The following PACRG variants were observed in gnomAD, a reference collection of about 807,000 sequenced individuals.
PACRG encodes the protein parkin coregulated gene protein.
PACRG carries 29 observed loss-of-function variants against 29.7 expected under a neutral mutation model. That is an observed-to-expected ratio of 0.98 (90% CI 0.73 to 1.33). The LOEUF is 1.33. Among genes scored for constraint, PACRG ranks in the 40% most tolerant of loss-of-function variants. PACRG has a pLI of 0.00. For synonymous variants in PACRG, 116 were observed against 118.7 expected, an observed-to-expected ratio of 0.98 and a Z score of 0.15; for missense variants, 279 against 316.2, an observed-to-expected ratio of 0.88 and a Z score of 0.89.
chr6:162,904,989 G>T (rs1448873886), intron 2 of PACRG, among the ~76,000 whole-genome samples: 3 of 152,102 alleles, frequency 2.0e-5, no homozygotes, highest in Non-Finnish European at 4.4e-5. Context: ...AAAGAGCAAG[G>T]ACTATACATG....
intron 2 of PACRG, among the ~76,000 whole-genome samples, chr6:163,000,066 G>A (rs1472948218): frequency 3.9e-5 from 6 of 152,172 alleles, no homozygotes; most frequent in Admixed American, 3.9e-4. Flanking sequence ...CATCAGCAGG[G>A]TTCTCTGTAG....
intron 2 of PACRG, among the ~76,000 whole-genome samples, chr6:162,880,914 G>A (rs540153807): frequency 2.0e-5 from 3 of 152,328 alleles, no homozygotes; most frequent in South Asian, 2.1e-4. Flanking sequence ...CGTTCAGGGC[G>A]TGGCAGCTGC....
At chr6:163,180,640 A>T (rs1779609585) in intron 4 of PACRG, among the ~76,000 whole-genome samples, 1 of 152,132 alleles carries the variant, frequency 6.6e-6, no homozygotes, top group African/African-American at 2.4e-5. Flanking sequence ...AAATAAAAAT[A>T]AAAATTCATT....
chr6:163,045,104 C>A (rs1244110809), intron 2 of PACRG, among the ~76,000 whole-genome samples: 1 of 152,050 alleles, frequency 6.6e-6, no homozygotes, highest in African/African-American at 2.4e-5. Flanking sequence ...AACTCTGTTG[C>A]CCATCTTTTG....
intron 2 of PACRG, among the ~76,000 whole-genome samples, chr6:163,040,752 T>A (rs553368706): frequency 2.0e-5 from 3 of 152,338 alleles, no homozygotes; most frequent in East Asian, 3.9e-4. Context: ...TAATTTCTCC[T>A]ATTTGGAATG....
intron 3 of PACRG, among the ~76,000 whole-genome samples, chr6:163,076,819 T>G (rs1397198593): frequency 6.6e-6 from 1 of 151,954 alleles, no homozygotes; most frequent in Admixed American, 6.6e-5. Context: ...CTGATTCACC[T>G]CTCCACTCCC....
At chr6:162,979,845 T>C (rs1290480515) in intron 2 of PACRG, among the ~76,000 whole-genome samples, 3 of 152,076 alleles carry the variant, frequency 2.0e-5, no homozygotes, top group Admixed American at 2.0e-4. Flanking sequence ...TTCTATTTAA[T>C]AGTAATTCGG....
At chr6:163,198,336 G>A (rs978379084) in intron 4 of PACRG, among the ~76,000 whole-genome samples, 1 of 152,146 alleles carries the variant, frequency 6.6e-6, no homozygotes, top group African/African-American at 2.4e-5. Context: ...TTTATCATTT[G>A]TTCAAAAAAC....
At chr6:163,117,354 C>G (rs1283274705) in intron 4 of PACRG, among the ~76,000 whole-genome samples, 3 of 152,208 alleles carry the variant, frequency 2.0e-5, no homozygotes, top group African/African-American at 7.2e-5. Context: ...CGCCTGGCTC[C>G]AGCCACTGGG....
At position 163,192,710 on chromosome 6, in the gene PACRG, A is replaced by T. The variant is rs1016402871; in HGVS notation, c.613+103302A>T. 4.6e-5 allele frequency among the ~76,000 whole-genome samples: 7 copies of T among 152,268 alleles called. No homozygotes were observed. The East Asian group carries it at 9.6e-4, about 21-fold the overall frequency. ...TCTCTGACATGGATGGCTTATGTGG[A>T]TCTCTATTTAGACTTGATGAGAGAA... On this transcript the variant is annotated intron_variant, in intron 4 of 4. Transcript: ENST00000366888.
chr6:162,964,335 T>C (rs1274075215), intron 2 of PACRG, among the ~76,000 whole-genome samples: 1 of 152,226 alleles, frequency 6.6e-6, no homozygotes, highest in Non-Finnish European at 1.5e-5. Context: ...TAAACTCTGA[T>C]GACTTTTTGA....
intron 2 of PACRG, chr6:163,042,897 T>C (rs1808884071): frequency 7.6e-6 from 1 of 131,174 alleles, no homozygotes; most frequent in East Asian, 3.9e-4. Flanking sequence ...TCTACAGTCA[T>C]TGCATAAACA....
At chr6:162,933,629 A>G (rs1280606874) in intron 2 of PACRG, among the ~76,000 whole-genome samples, 1 of 109,688 alleles carries the variant, frequency 9.1e-6, no homozygotes, top group Non-Finnish European at 1.8e-5. Context: ...TTTTTTACTT[A>G]AAGTCTGTTT....
chr6:162,734,848 A>G (rs1780039072), intron 1 of PACRG, among the ~76,000 whole-genome samples: 3 of 152,322 alleles, frequency 2.0e-5, no homozygotes, highest in South Asian at 4.1e-4. Flanking sequence ...ACCCAAATCC[A>G]GAAACATTGT....
intron 4 of PACRG, among the ~76,000 whole-genome samples, chr6:163,125,500 C>T (rs1164170964): frequency 1.3e-5 from 2 of 152,176 alleles, no homozygotes; most frequent in Non-Finnish European, 2.9e-5. Context: ...TCAACACATG[C>T]AACAGTAAAG....
chr6:163,201,560 C>T (rs1050409336), intron 4 of PACRG, among the ~76,000 whole-genome samples: 1 of 152,220 alleles, frequency 6.6e-6, no homozygotes, highest in Non-Finnish European at 1.5e-5. Flanking sequence ...TCCCTAACCC[C>T]TACTCATCCA....
intron 3 of PACRG, among the ~76,000 whole-genome samples, chr6:163,075,257 A>G (rs1575472): frequency 0.11 from 17,154 of 152,222 alleles, 1,372 homozygotes; most frequent in East Asian, 0.35. Flanking sequence ...TAAGTCAGTA[A>G]TTAAAATCCC....
At chr6:162,932,287 C>T (rs1181090848) in intron 2 of PACRG, among the ~76,000 whole-genome samples, 1 of 151,924 alleles carries the variant, frequency 6.6e-6, no homozygotes, top group Non-Finnish European at 1.5e-5. Context: ...CATGAGAAAA[C>T]TTTTGGGGTT....
intron 1 of PACRG, among the ~76,000 whole-genome samples, chr6:162,783,222 A>T (rs1405175101): frequency 3.9e-5 from 6 of 151,972 alleles, no homozygotes; most frequent in African/African-American, 1.4e-4. Flanking sequence ...GCATATTTTT[A>T]ATAGAAAATA....
Sources: gnomAD v4.1 joint callset for allele counts (sites outside exome capture counted in the v4.1 genomes callset) on GRCh38, gnomAD v4.1.1 for gene constraint, MANE v1.5 for transcripts, NCBI Gene and HGNC (gene_info 2026-07-23, HGNC 2026-07-21) for gene names.